TG: variants seen among roughly 807,000 people sequenced by gnomAD.
TG encodes thyroglobulin.
Under a neutral mutation model 324.7 loss-of-function variants are expected in TG, and 270 were observed. The observed-to-expected ratio is 0.83, with a 90% CI of 0.75 to 0.92. The LOEUF is 0.92. Ranked by LOEUF, TG falls within the 40% of genes least tolerant of loss-of-function variation. The probability of loss-of-function intolerance (pLI) is 0.00; values close to 1 mark genes in which losing one functional copy is unlikely to be tolerated. For synonymous variants in TG, 1,401 were observed against 1,327.0 expected (o/e 1.06, Z -1.21); for missense variants, 3,591 against 3,456.4 (o/e 1.04, Z -0.98).
At chr8:132,867,501 TCG>T (rs925277457) in intron 1 of TG, among the ~76,000 whole-genome samples, 5 of 150,478 alleles carry the variant, frequency 3.3e-5, no homozygotes, top group African/African-American at 1.2e-4. Flanking sequence ...CCATATGACT[TCG>T]GGCAAAGTGC....
chr8:132,992,417 A>G (rs1564051454), intron 35 of TG, among the ~76,000 whole-genome samples: 1 of 152,204 alleles, frequency 6.6e-6, no homozygotes, highest in African/African-American at 2.4e-5. Context: ...ATAGAAAGCT[A>G]TAGTATTAGG....
chr8:133,029,330 G>T (rs1210617383), intron 40 of TG, among the ~76,000 whole-genome samples: 1 of 152,142 alleles, frequency 6.6e-6, no homozygotes, highest in Non-Finnish European at 1.5e-5. Context: ...GGCTTCAGAT[G>T]ATGAGGTGAG....
chr8:132,989,577 A>G (rs1832048058), intron 35 of TG, among the ~76,000 whole-genome samples: 1 of 152,200 alleles, frequency 6.6e-6, no homozygotes, highest in African/African-American at 2.4e-5. Flanking sequence ...GAGCTCAGTG[A>G]CAGGGACAAA....
At chr8:133,102,524 T>G (rs1849398131) in intron 43 of TG, 3 of 1,550,470 alleles carry the variant, frequency 1.9e-6, no homozygotes, top group Admixed American at 2.0e-5. Context: ...ACCCAGGGGG[T>G]CCCAATGACA....
At chr8:132,948,292 T>TGAGCGAGAGCGAGAGTGA (rs920994977) in intron 26 of TG, among the ~76,000 whole-genome samples, 1 of 150,116 alleles carries the variant, frequency 6.7e-6, no homozygotes, top group Non-Finnish European at 1.5e-5. Context: ...AGAGCGAGAG[T>TGAGCGAGAGCGAGAGTGA]GAGCGAGAGC....
At position 132,948,656 on chromosome 8, in the gene TG, A is replaced by G. The variant is rs184911171; in HGVS notation, c.5234-120A>G. The G allele has an allele frequency of 4.8e-4, 517 of 1,072,058 alleles. No individual in the cohort carries two copies. The African/African-American group carries it at 6.2e-3, about 13-fold the overall frequency. 66.4% of individuals were successfully genotyped at this position (1,072,058 alleles called of 1,614,324 possible). ...ACCAGGCTCTTGAATTCTAGTGTCTATGTCTTCTCCTGAGACGCTGTCACC... is the reference window on the plus strand; with the variant it reads ...ACCAGGCTCTTGAATTCTAGTGTCTGTGTCTTCTCCTGAGACGCTGTCACC... On this transcript the variant is annotated intron_variant, in intron 26 of 47. Transcript: ENST00000220616.
rs779511036 is a variant in TG at position 132,888,518 on chromosome 8, C to G, written c.2711C>G (p.Ala904Gly). The change falls in exon 10 of 48, where the codon GCT becomes GGT. Residue 904 changes from alanine (A) to glycine (G), a missense_variant. By Grantham distance (60) the Ala-to-Gly change is moderately conservative. Transcript: ENST00000220616. ...DLRNCWCVDE[A>G]GQELEGMRSE... ...CGGAACTGCTGGTGTGTGGATGAGG[C>G]TGGCCAAGAACTGGAAGGAATGCGG... The G allele has an allele frequency of 6.2e-7, 1 of 1,611,242 alleles. No individual in the cohort carries two copies. Among genetic ancestry groups the G allele is most frequent in the South Asian group, 1.1e-5 (1 of 90,388 alleles).
At chr8:132,937,942 G>T (rs1823847020) in intron 25 of TG, among the ~76,000 whole-genome samples, 2 of 152,012 alleles carry the variant, frequency 1.3e-5, no homozygotes, top group Admixed American at 6.5e-5. Flanking sequence ...TTTCCTTTTT[G>T]GTTTAAAGCA....
chr8:133,036,474 A>G (rs1297049885), intron 41 of TG, among the ~76,000 whole-genome samples: 5 of 152,186 alleles, frequency 3.3e-5, no homozygotes, highest in Non-Finnish European at 7.3e-5. Flanking sequence ...TTTTATAACA[A>G]TCGTTCAGAA....
chr8:132,964,250 C>T (rs1025399286), intron 29 of TG, among the ~76,000 whole-genome samples: 1 of 152,092 alleles, frequency 6.6e-6, no homozygotes, highest in African/African-American at 2.4e-5. Context: ...ACACAAGATG[C>T]TCCCCCTGCC....
chr8:132,872,687 A>G (rs1475866519), intron 4 of TG, among the ~76,000 whole-genome samples: 1 of 152,094 alleles, frequency 6.6e-6, no homozygotes, highest in Non-Finnish European at 1.5e-5. Flanking sequence ...CATGGTAAGT[A>G]CCCCATACAG....
chr8:133,040,574 G>T (rs1178803909), intron 41 of TG, among the ~76,000 whole-genome samples: 1 of 152,170 alleles, frequency 6.6e-6, no homozygotes, highest in Non-Finnish European at 1.5e-5. Flanking sequence ...TGAGAATGGG[G>T]CTGCATACAG....
At chr8:133,076,946 C>T (rs1039717178) in intron 41 of TG, among the ~76,000 whole-genome samples, 10 of 152,114 alleles carry the variant, frequency 6.6e-5, no homozygotes, top group Non-Finnish European at 1.5e-4. Flanking sequence ...ACTACTTCCC[C>T]TAGGAGGAGT....
chr8:132,946,221 G>A (rs1483314307), intron 26 of TG, among the ~76,000 whole-genome samples: 4 of 151,952 alleles, frequency 2.6e-5, no homozygotes, highest in Admixed American at 6.6e-5. Flanking sequence ...TTTTCAAGCT[G>A]GAAAGGTTGA....
At chr8:133,061,494 A>G (rs1300846073) in intron 41 of TG, among the ~76,000 whole-genome samples, 1 of 152,232 alleles carries the variant, frequency 6.6e-6, no homozygotes, top group Non-Finnish European at 1.5e-5. Context: ...CTGGACCTTC[A>G]TACAAATATT....
intron 41 of TG, chr8:133,075,041 C>G (rs1276838486): frequency 1.1e-5 from 11 of 985,340 alleles, no homozygotes; most frequent in Non-Finnish European, 1.3e-5. Context: ...CGCATACTTC[C>G]TCTGCTAGGA....
chr8:133,080,570 G>C (rs1049206781), intron 41 of TG, among the ~76,000 whole-genome samples: 1 of 152,130 alleles, frequency 6.6e-6, no homozygotes, highest in African/African-American at 2.4e-5. Flanking sequence ...TCCTCAAGCA[G>C]CTGCCCCAAA....
chr8:133,005,852 C>T (rs1323295922), intron 35 of TG, among the ~76,000 whole-genome samples: 1 of 152,154 alleles, frequency 6.6e-6, no homozygotes, highest in Non-Finnish European at 1.5e-5. Context: ...AGGGAGCATG[C>T]CAGTGAGCAT....
intron 41 of TG, among the ~76,000 whole-genome samples, chr8:133,092,177 A>G (rs934122266): frequency 2.0e-5 from 3 of 151,752 alleles, no homozygotes; most frequent in African/African-American, 7.3e-5. Flanking sequence ...AAACTCCTTG[A>G]TTGCGTGAGT....
Sources: allele counts gnomAD v4.1 joint callset (sites outside exome capture counted in the v4.1 genomes callset), GRCh38; gene constraint gnomAD v4.1.1; transcripts MANE v1.5; gene names NCBI Gene and HGNC (gene_info 2026-07-23, HGNC 2026-07-21).